ABAT: variants seen among roughly 807,000 people sequenced by gnomAD.
ABAT encodes 4-aminobutyrate aminotransferase, mitochondrial.
A neutral mutation model predicts 64.6 loss-of-function variants in ABAT; 45 were observed. The ratio of observed to expected loss-of-function variants is 0.70; its 90% confidence interval spans 0.55 to 0.89. ABAT has a LOEUF of 0.89. ABAT is among the 40% of genes least tolerant of loss of function. The pLI is 0.00. For missense variants in ABAT, 633 were observed against 658.4 expected (o/e 0.96, Z 0.42); for synonymous variants, 297 against 250.5 (o/e 1.19, Z -1.75).
intron 1 of ABAT, among the ~76,000 whole-genome samples, chr16:8,731,049 G>A (rs1027941537): frequency 1.3e-5 from 2 of 150,718 alleles, no homozygotes; most frequent in Admixed American, 6.6e-5. Context: ...TGCCATCTCC[G>A]CCTCCCAGGT....
chr16:8,779,676 T>G, intron 15 of ABAT, 86 bp downstream of exon 15: 2 of 1,109,780 alleles, frequency 1.8e-6, no homozygotes, highest in Non-Finnish European at 2.7e-6. Context: ...TACTCAGCAA[T>G]ATTTTGTGTG....
intron 1 of ABAT, among the ~76,000 whole-genome samples, chr16:8,719,174 G>A (rs1249716344): frequency 1.3e-5 from 2 of 152,098 alleles, no homozygotes; most frequent in African/African-American, 2.4e-5. Flanking sequence ...TCTGGGGCTC[G>A]GCACAGGTGT....
At chr16:8,719,892 A>C (rs1042476014) in intron 1 of ABAT, among the ~76,000 whole-genome samples, 5 of 152,224 alleles carry the variant, frequency 3.3e-5, no homozygotes, top group East Asian at 1.9e-4. Flanking sequence ...ACTCACTGCA[A>C]CATTCGGTTC....
intron 1 of ABAT, among the ~76,000 whole-genome samples, chr16:8,723,140 G>A (rs573316978): frequency 2.6e-5 from 4 of 152,302 alleles, no homozygotes; most frequent in Admixed American, 1.3e-4. Flanking sequence ...AGCTGAGGCA[G>A]GAGAATCACT....
At chr16:8,716,645 A>C in intron 1 of ABAT, among the ~76,000 whole-genome samples, 1 of 152,226 alleles carries the variant, frequency 6.6e-6, no homozygotes, top group Admixed American at 6.5e-5. Context: ...TATTTTATGC[A>C]CTGGGTCCCA....
intron 2 of ABAT, among the ~76,000 whole-genome samples, chr16:8,745,472 G>A (rs1264420066): frequency 6.6e-6 from 1 of 152,048 alleles, no homozygotes; most frequent in Non-Finnish European, 1.5e-5. Flanking sequence ...CAAGGCAGGT[G>A]GATTGCTTGA....
chr16:8,781,676 T>A lies in ABAT; in HGVS notation c.*246T>A. 1.7e-6 allele frequency: 1 copy of A among 575,268 alleles called. No individual in the cohort carries two copies. Among genetic ancestry groups the A allele is most frequent in the Non-Finnish European group, 3.1e-6 (1 of 321,942 alleles). The allele number at this position is 575,268 out of a possible 1,614,324, so 35.6% of individuals were successfully genotyped here. On this transcript the variant is annotated 3_prime_UTR_variant, in exon 16 of 16. Coordinates refer to ENST00000268251, the MANE Select transcript of ABAT (RefSeq NM_020686.6). This position sits in a 1 kb window ranked among gnomAD's most constrained non-coding sequence, Gnocchi z 4.5. ...AAGCCCAGAGATCCTGCTTGAGCCCTGGACTCATCTTGGGAAGGGCCATGG... is the reference window on the plus strand; with the variant it reads ...AAGCCCAGAGATCCTGCTTGAGCCCAGGACTCATCTTGGGAAGGGCCATGG...
chr16:8,778,359 G>C (rs1176248823), intron 14 of ABAT, among the ~76,000 whole-genome samples: 2 of 152,112 alleles, frequency 1.3e-5, no homozygotes, highest in Admixed American at 1.3e-4. Flanking sequence ...CCACCTTCTC[G>C]TGGCTGCCGG....
chr16:8,738,603 TG>T, intron 2 of ABAT: 1 of 345,850 alleles, frequency 2.9e-6, no homozygotes, highest in Admixed American at 4.0e-5. Context: ...TTTTCTTTTT[TG>T]TTTTTGTTTT....
intron 1 of ABAT, among the ~76,000 whole-genome samples, chr16:8,729,168 C>T (rs931163141): frequency 2.7e-5 from 4 of 149,104 alleles, no homozygotes; most frequent in Admixed American, 2.0e-4. Context: ...ATTAGCTGGG[C>T]GTGGCGGCGT....
rs1017722279 is a variant in ABAT, at chr16:8,732,205, T to G, written c.-41-3494T>G. ...ACTTTAGGTTTTTTTTGTTTTTTTT[T>G]TTTGTTTGTTTGTTTTTTTAATTTA... On this transcript the variant is annotated intron_variant, in intron 1 of 15. Transcript: ENST00000268251. Among the ~76,000 whole-genome samples, 51 of 22,564 alleles carry G rather than the reference T, an allele frequency of 2.3e-3. 1 individual carries two copies. The highest frequency in any genetic ancestry group is 0.021 in the Middle Eastern group (1 of 48). 14.8% of individuals were successfully genotyped at this position (22,564 alleles called of 152,430 possible).
Position 8,768,261 on chromosome 16 carries a change from G to GGA in ABAT, c.667+7_667+8dup, listed in dbSNP as rs748783252. The GGA allele has an allele frequency of 1.8e-5, 29 of 1,613,956 alleles. No individual in the cohort carries two copies. Among genetic ancestry groups the GGA allele is most frequent in the Admixed American group, 1.7e-4 (10 of 60,026 alleles). On this transcript the variant is annotated splice_donor_region_variant and intron_variant, in intron 10 of 15. Transcript: ENST00000268251. ...CGTTCCATGGGAGGACCATGGGTAA[G>GGA]GAGGGACCATTGCGCTCCCAAGGTG...
chr16:8,676,184 G>C (rs1159550811), intron 1 of ABAT, among the ~76,000 whole-genome samples: 1 of 152,142 alleles, frequency 6.6e-6, no homozygotes, highest in Admixed American at 6.5e-5. Context: ...GGCCCAAAGA[G>C]GTTAGCCACG....
Position 8,738,033 on chromosome 16 carries a change from G to A in ABAT, c.70+2224G>A, listed in dbSNP as rs536795214. Among the ~76,000 whole-genome samples, 67 of 113,628 alleles carry A rather than the reference G, an allele frequency of 5.9e-4. 4 individuals carry two copies. The highest frequency in any genetic ancestry group is 2.3e-3 in the African/African-American group (63 of 26,968). 74.5% of individuals were successfully genotyped at this position (113,628 alleles called of 152,430 possible). A position where few individuals can be genotyped will look rare whatever the true frequency, so the allele number is the denominator to read the frequency against. On this transcript the variant is annotated intron_variant, in intron 2 of 15. Coordinates refer to ENST00000268251, the MANE Select transcript of ABAT (RefSeq NM_020686.6). ...GAAAGAAAGGAAAGAAAGAAAGAAG[G>A]ACAGACAGACAAGACAGTGGCTCAC... is the stretch of plus-strand genomic sequence containing the variant.
At chr16:8,771,244 G>C (rs1324272543) in intron 11 of ABAT, among the ~76,000 whole-genome samples, 2 of 151,228 alleles carry the variant, frequency 1.3e-5, no homozygotes, top group Admixed American at 1.3e-4. Context: ...GCGGTGAGCT[G>C]AGATTGCGCT....
At chr16:8,755,378 A>G (rs1337789787) in intron 5 of ABAT, among the ~76,000 whole-genome samples, 1 of 152,182 alleles carries the variant, frequency 6.6e-6, no homozygotes, top group African/African-American at 2.4e-5. Context: ...CTGGCCACAG[A>G]GGTGATGTGG....
chr16:8,688,026 T>C (rs1222740413), intron 1 of ABAT, among the ~76,000 whole-genome samples: 2 of 152,026 alleles, frequency 1.3e-5, no homozygotes. Flanking sequence ...GCCTCCCCAG[T>C]AGCTGGAACT....
chr16:8,752,312 G>A (rs2059511910), intron 5 of ABAT, among the ~76,000 whole-genome samples: 1 of 152,134 alleles, frequency 6.6e-6, no homozygotes, highest in Non-Finnish European at 1.5e-5. Flanking sequence ...GGAAGGGATG[G>A]GCTCTTGAGT....
chr16:8,752,372 G>A (rs1253755158), intron 5 of ABAT, among the ~76,000 whole-genome samples: 1 of 152,170 alleles, frequency 6.6e-6, no homozygotes, highest in Non-Finnish European at 1.5e-5. Context: ...GTGGGACTGT[G>A]ACCCACCCCC....
Sources: gnomAD v4.1 joint callset for allele counts (sites outside exome capture counted in the v4.1 genomes callset) on GRCh38, gnomAD v4.1.1 for gene constraint, Gnocchi (gnomAD v3.1) non-coding constraint, MANE v1.5 for transcripts, NCBI Gene and HGNC (gene_info 2026-07-23, HGNC 2026-07-21) for gene names.